FMNL2: variants seen among roughly 807,000 people sequenced by gnomAD.
FMNL2 encodes formin like 2, also known as formin-like protein 2.
A neutral mutation model predicts 130.2 loss-of-function variants in FMNL2; 51 were observed. The ratio of observed to expected loss-of-function variants is 0.39; its 90% CI spans 0.31 to 0.49. The LOEUF is 0.49. Ranked by LOEUF, FMNL2 falls within the 20% of genes least tolerant of loss-of-function variation. The pLI, the probability that FMNL2 is intolerant of heterozygous loss-of-function variation, is 0.85. For missense variants in FMNL2, 977 were observed against 1,316.2 expected, an observed-to-expected ratio of 0.74 and a Z score of 3.99; for synonymous variants, 465 against 467.1, an observed-to-expected ratio of 1.00 and a Z score of 0.06.
intron 1 of FMNL2, among the ~76,000 whole-genome samples, chr2:152,491,199 G>C (rs1207947614): frequency 6.6e-6 from 1 of 152,174 alleles, no homozygotes; most frequent in African/African-American, 2.4e-5. Context: ...CAAAGAAACT[G>C]TCCCAATTTA....
At chr2:152,544,007 C>G (rs533969940) in intron 3 of FMNL2, among the ~76,000 whole-genome samples, 92 of 152,288 alleles carry the variant, frequency 6.0e-4, no homozygotes, top group Admixed American at 2.4e-3. Flanking sequence ...GACCTGTTGT[C>G]AGGTCTTACA....
At chr2:152,371,529 C>T (rs375647394) in intron 1 of FMNL2, among the ~76,000 whole-genome samples, 10 of 151,796 alleles carry the variant, frequency 6.6e-5, no homozygotes, top group East Asian at 5.8e-4. Flanking sequence ...ATTAGCTGGG[C>T]GTGGTGCCAT....
chr2:152,372,113 T>G (rs1384614999), intron 1 of FMNL2, among the ~76,000 whole-genome samples: 1 of 152,120 alleles, frequency 6.6e-6, no homozygotes, highest in Non-Finnish European at 1.5e-5. Flanking sequence ...AGTCCTCAAT[T>G]TGGTGGGGAG....
chr2:152,440,376 A>G (rs1687990317), intron 1 of FMNL2, among the ~76,000 whole-genome samples: 1 of 152,246 alleles, frequency 6.6e-6, no homozygotes, highest in Non-Finnish European at 1.5e-5. Context: ...ATGCTTGCAA[A>G]AAACCAAAAT....
intron 9 of FMNL2, among the ~76,000 whole-genome samples, chr2:152,606,731 T>G (rs1698379967): frequency 6.6e-6 from 1 of 151,394 alleles, no homozygotes; most frequent in Non-Finnish European, 1.5e-5. Flanking sequence ...TTGTTTCATC[T>G]GATCAATGAA....
chr2:152,568,607 C>T lies in FMNL2; in HGVS notation c.597-6529C>T, dbSNP rs189462224. 2.4e-4 allele frequency among the ~76,000 whole-genome samples: 37 copies of T among 152,296 alleles called. No individual in the cohort carries two copies. In the East Asian group the frequency reaches 5.2e-3, roughly 21 times the overall value. On this transcript the variant is annotated intron_variant, in intron 6 of 25. Coordinates refer to ENST00000288670, the MANE Select transcript of FMNL2 (RefSeq NM_052905.4). ...AAAGGAAAGAGGTTTAATTGACTCACATCTCAGCATGGCTCTGGAGGCCTC... is the reference window on the plus strand; with the variant it reads ...AAAGGAAAGAGGTTTAATTGACTCATATCTCAGCATGGCTCTGGAGGCCTC...
In FMNL2 at chr2:152,589,141, C is replaced by A. The variant is rs1697245649; in HGVS notation, c.876+8092C>A. Among the ~76,000 whole-genome samples, 3 of 150,518 alleles carry A rather than the reference C, an allele frequency of 2.0e-5. No homozygotes were observed. The South Asian group carries it at 6.3e-4, about 32-fold the overall frequency. ...AAAAAGAGGAAGTACAGCAGGGTAA[C>A]AGTGCCCAGAGCCAGACCAGATTGT... On this transcript the variant is annotated intron_variant, in intron 9 of 25. Coordinates refer to ENST00000288670, the MANE Select transcript of FMNL2 (RefSeq NM_052905.4).
chr2:152,451,925 A>G (rs528819641), intron 1 of FMNL2, among the ~76,000 whole-genome samples: 2 of 152,250 alleles, frequency 1.3e-5, no homozygotes, highest in Non-Finnish European at 2.9e-5. Context: ...CTGTAGAGAA[A>G]AGAGAGGAAA....
At chr2:152,436,001 G>A (rs1266466631) in intron 1 of FMNL2, among the ~76,000 whole-genome samples, 1 of 151,286 alleles carries the variant, frequency 6.6e-6, no homozygotes, top group African/African-American at 2.4e-5. Flanking sequence ...GCTATAGCAT[G>A]TATACATAAA....
intron 20 of FMNL2, among the ~76,000 whole-genome samples, chr2:152,631,351 C>T (rs35894330): frequency 0.13 from 18,438 of 144,126 alleles, 1,455 homozygotes; most frequent in Middle Eastern, 0.26. Flanking sequence ...CAAGATTGTG[C>T]CACTGCACTC....
At chr2:152,488,118 C>T (rs1318217543) in intron 1 of FMNL2, among the ~76,000 whole-genome samples, 1 of 152,184 alleles carries the variant, frequency 6.6e-6, no homozygotes, top group African/African-American at 2.4e-5. Flanking sequence ...TTCTGTGTAT[C>T]TGCAAAAGTG....
At chr2:152,641,168 A>G (rs2105969096) in intron 25 of FMNL2, among the ~76,000 whole-genome samples, 1 of 152,234 alleles carries the variant, frequency 6.6e-6, no homozygotes. Flanking sequence ...TGTTATTGAT[A>G]TGTCATCATG....
intron 25 of FMNL2, among the ~76,000 whole-genome samples, chr2:152,642,154 A>C (rs1683143612): frequency 6.6e-6 from 1 of 152,024 alleles, no homozygotes; most frequent in African/African-American, 2.4e-5. Flanking sequence ...GTTAGCCAGG[A>C]TGGTCTCGAT....
intron 1 of FMNL2, among the ~76,000 whole-genome samples, chr2:152,388,542 C>CCATGA (rs2105918390): frequency 6.6e-6 from 1 of 152,240 alleles, no homozygotes; most frequent in East Asian, 1.9e-4. Flanking sequence ...CGAGTCCCTC[C>CCATGA]CATGACATGT....
intron 7 of FMNL2, 88 bp downstream of exon 7, chr2:152,575,332 C>T (rs372666879): frequency 2.7e-5 from 20 of 741,070 alleles, no homozygotes; most frequent in African/African-American, 1.4e-4. Context: ...ACCGCTTGGG[C>T]GAAGGGTACA....
At chr2:152,589,979 A>ATATGTATATGTATG (rs1553482681) in intron 9 of FMNL2, among the ~76,000 whole-genome samples, 1 of 44,488 alleles carries the variant, frequency 2.2e-5, no homozygotes, top group Non-Finnish European at 5.3e-5. Flanking sequence ...ATATATATAT[A>ATATGTATATGTATG]TATATGTATA....
At chr2:152,339,776 A>G (rs1474120074) in intron 1 of FMNL2, among the ~76,000 whole-genome samples, 1 of 152,134 alleles carries the variant, frequency 6.6e-6, no homozygotes, top group Non-Finnish European at 1.5e-5. Context: ...ATTTTGTTTT[A>G]GGAAGGAGTG....
At chr2:152,504,016 T>G (rs2105333898) in intron 1 of FMNL2, among the ~76,000 whole-genome samples, 1 of 152,154 alleles carries the variant, frequency 6.6e-6, no homozygotes, top group Middle Eastern at 3.4e-3. Context: ...ATGACAAAAT[T>G]CCGTTCTCTA....
In FMNL2 at chr2:152,628,199, A is replaced by G. The variant is rs892528288; in HGVS notation, c.2166-100A>G. On this transcript the variant is annotated intron_variant, in intron 17 of 25. Coordinates refer to ENST00000288670, the MANE Select transcript of FMNL2 (RefSeq NM_052905.4). Reference sequence around the variant, plus strand: ...GATTTGGTGTTTGATGAGCTGTACCAGATGGATGATGGATGGATGAACCTG... The same window carrying G: ...GATTTGGTGTTTGATGAGCTGTACCGGATGGATGATGGATGGATGAACCTG... 6 of 995,494 alleles carry G rather than the reference A, an allele frequency of 6.0e-6. No homozygotes were observed. In the African/African-American group the frequency reaches 8.0e-5, roughly 13 times the overall value. 61.7% of individuals were successfully genotyped at this position (995,494 alleles called of 1,614,324 possible). A position where few individuals can be genotyped will look rare whatever the true frequency, so the allele number is the denominator to read the frequency against.
Sources: allele counts gnomAD v4.1 joint callset (sites outside exome capture counted in the v4.1 genomes callset), GRCh38; gene constraint gnomAD v4.1.1; transcripts MANE v1.5; gene names NCBI Gene and HGNC (gene_info 2026-07-23, HGNC 2026-07-21).